The following ZBTB38 variants were observed in gnomAD, a reference collection of about 807,000 sequenced individuals.
ZBTB38 encodes the protein zinc finger and BTB domain containing 38, also known as zinc finger and BTB domain-containing protein 38.
In ZBTB38, 20 loss-of-function variants were observed where a neutral mutation model predicts 76.8. That is an observed-to-expected ratio of 0.26 (90% confidence interval 0.18 to 0.38). ZBTB38 has a LOEUF of 0.38. Among genes scored for constraint, ZBTB38 ranks in the 10% least tolerant of loss-of-function variants. The pLI is 1.00. For synonymous variants in ZBTB38, 504 were observed against 544.2 expected, an observed-to-expected ratio of 0.93 and a Z score of 1.03; for missense variants, 1,082 against 1,482.3, an observed-to-expected ratio of 0.73 and a Z score of 4.43.
At chr3:141,358,194 G>A (rs1027717436) in intron 1 of ZBTB38, among the ~76,000 whole-genome samples, 1 of 152,204 alleles carries the variant, frequency 6.6e-6, no homozygotes, top group African/African-American at 2.4e-5. Flanking sequence ...TAATTCAGAG[G>A]TGCAAGGGGC....
intron 4 of ZBTB38, among the ~76,000 whole-genome samples, chr3:141,403,456 A>G (rs928038464): frequency 1.3e-5 from 2 of 152,260 alleles, no homozygotes; most frequent in South Asian, 2.1e-4. Context: ...TCTTAAAGAT[A>G]TAGAATATAT....
rs1559966549 is a variant in ZBTB38 at position 141,444,041 on chromosome 3, A to G, written c.1653A>G (p.Thr551=). 1 of 1,614,224 alleles carries G rather than the reference A, an allele frequency of 6.2e-7. No homozygotes were observed. Residue 551 remains threonine (T), a synonymous_variant, in exon 6 of 6, where the codon ACA becomes ACG. Transcript: ENST00000321464. The surrounding 1 kb of genome is among the most constrained non-coding windows in gnomAD (Gnocchi z 5.1). ...IDHRLSISKK[T]ANGGLKPSVY... ...ATAGACTTTCCATCAGTAAAAAAAC[A>G]GCAAATGGAGGCTTGAAGCCTAGTG...
chr3:141,339,333 T>G lies in ZBTB38; in HGVS notation c.-739+14877T>G, dbSNP rs556711548. 9.5e-4 allele frequency among the ~76,000 whole-genome samples: 145 copies of G among 152,314 alleles called. 1 individual carries two copies. Among genetic ancestry groups the G allele is most frequent in the African/African-American group, 3.3e-3 (137 of 41,574 alleles). On this transcript the variant is annotated intron_variant, in intron 1 of 7. Coordinates refer to the ZBTB38 transcript ENST00000509842. The stretch of plus-strand genomic sequence containing the variant: ...CAACTCCACGGGTTGATTCTGAATG[T>G]GATAGGAAGCCTTTGGAGCATTTTG...
intron 5 of ZBTB38, among the ~76,000 whole-genome samples, chr3:141,415,503 G>A (rs2073794435): frequency 6.6e-6 from 1 of 152,078 alleles, no homozygotes. Context: ...ACAGAGCCTC[G>A]AGCCCTACCC....
At chr3:141,407,949 G>A (rs1416907463) in intron 5 of ZBTB38, among the ~76,000 whole-genome samples, 1 of 152,194 alleles carries the variant, frequency 6.6e-6, no homozygotes, top group African/African-American at 2.4e-5. Context: ...TCATCTCATT[G>A]CTCTCTGCTG....
Position 141,443,237 on chromosome 3 carries a change from A to G in ZBTB38, c.849A>G (p.Pro283=), listed in dbSNP as rs998162719. Residue 283 remains proline, a synonymous_variant, in exon 6 of 6, where the codon CCA becomes CCG. Transcript: ENST00000321464. This position sits in a 1 kb window ranked among gnomAD's most constrained non-coding sequence, Gnocchi z 5.6. Reference sequence around the variant, plus strand: ...CGGATTCAGCCACAGAAAATATACCACCCCCTCCAGTATCCAACTTAGAGG... The same window carrying G: ...CGGATTCAGCCACAGAAAATATACCGCCCCCTCCAGTATCCAACTTAGAGG... ...QDSDSATENI[P]PPPVSNLEVN... is the part of the protein sequence containing the mutation. The G allele has an allele frequency of 1.2e-6, 2 of 1,613,750 alleles. No homozygotes were observed. Among genetic ancestry groups the G allele is most frequent in the Admixed American group, 3.3e-5 (2 of 59,974 alleles).
intron 5 of ZBTB38, among the ~76,000 whole-genome samples, chr3:141,419,383 A>C (rs1653337441): frequency 6.6e-6 from 1 of 152,212 alleles, no homozygotes; most frequent in African/African-American, 2.4e-5. Flanking sequence ...AGATACATGT[A>C]TGACACTGAA....
chr3:141,344,943 T>G (rs932043054), intron 1 of ZBTB38, among the ~76,000 whole-genome samples: 1 of 152,208 alleles, frequency 6.6e-6, no homozygotes, highest in Non-Finnish European at 1.5e-5. Context: ...ATTCTGTCTA[T>G]CACAGCTGCT....
intron 1 of ZBTB38, among the ~76,000 whole-genome samples, chr3:141,352,956 G>A (rs1943563520): frequency 6.6e-6 from 1 of 152,064 alleles, no homozygotes; most frequent in Non-Finnish European, 1.5e-5. Flanking sequence ...AGTCTTAGTA[G>A]TACTAGTTTG....
At chr3:141,400,822 GC>G (rs1233378168) in intron 4 of ZBTB38, among the ~76,000 whole-genome samples, 1 of 152,202 alleles carries the variant, frequency 6.6e-6, no homozygotes, top group Non-Finnish European at 1.5e-5. Flanking sequence ...GATGAAGAAG[GC>G]ACGGGAGTTG....
intron 1 of ZBTB38, among the ~76,000 whole-genome samples, chr3:141,327,909 T>C (rs1401419529): frequency 2.6e-5 from 4 of 152,198 alleles, no homozygotes; most frequent in Admixed American, 2.6e-4. Flanking sequence ...ACTGAGACTC[T>C]GTGTCTTCCA....
intron 1 of ZBTB38, among the ~76,000 whole-genome samples, chr3:141,352,034 G>T (rs973589409): frequency 6.6e-6 from 1 of 152,010 alleles, no homozygotes; most frequent in African/African-American, 2.4e-5. Context: ...GACCTACCAA[G>T]AATTCATTTA....
chr3:141,381,736 A>G (rs1387911520), intron 3 of ZBTB38, among the ~76,000 whole-genome samples: 2 of 152,198 alleles, frequency 1.3e-5, no homozygotes, highest in African/African-American at 4.8e-5. Context: ...ATTACTGCAA[A>G]TGAAGCAGGA....
intron 1 of ZBTB38, among the ~76,000 whole-genome samples, chr3:141,355,297 C>G (rs752282112): frequency 1.6e-4 from 25 of 152,122 alleles, no homozygotes; most frequent in Non-Finnish European, 3.4e-4. Context: ...AAGGTCCTTA[C>G]TCTCCAAGGT....
intron 5 of ZBTB38, among the ~76,000 whole-genome samples, chr3:141,424,363 T>C (rs79057647): frequency 0.024 from 3,561 of 151,088 alleles, 66 homozygotes; most frequent in East Asian, 0.058. Flanking sequence ...TACAAAGAAA[T>C]AAAAAAAATT....
At chr3:141,411,178 G>A (rs1381490278) in intron 5 of ZBTB38, among the ~76,000 whole-genome samples, 2 of 152,190 alleles carry the variant, frequency 1.3e-5, no homozygotes, top group Non-Finnish European at 2.9e-5. Flanking sequence ...TATCTTGCCA[G>A]GCAAGGGAGA....
At chr3:141,378,321 T>A (rs1945685308) in intron 2 of ZBTB38, among the ~76,000 whole-genome samples, 1 of 152,158 alleles carries the variant, frequency 6.6e-6, no homozygotes, top group South Asian at 2.1e-4. Context: ...CACTCCAGCC[T>A]GCACATGTGA....
Position 141,436,383 on chromosome 3 carries a change from C to A in ZBTB38, c.1-6006C>A, listed in dbSNP as rs1445424768. ...TGAGAGAAGCTGCCTGGTGATAAATCCTTGGGCAGGCAGTGTGTGTGTGTT... is the reference window on the plus strand; with the variant it reads ...TGAGAGAAGCTGCCTGGTGATAAATACTTGGGCAGGCAGTGTGTGTGTGTT... On this transcript the variant is annotated intron_variant, in intron 5 of 5. Coordinates refer to ENST00000321464, the MANE Select transcript of ZBTB38 (RefSeq NM_001376113.1). 3.3e-5 allele frequency among the ~76,000 whole-genome samples: 5 copies of A among 152,258 alleles called. No homozygotes were observed. In the East Asian group the frequency reaches 9.6e-4, roughly 29 times the overall value.
chr3:141,352,180 G>A (rs1287378962), intron 1 of ZBTB38, among the ~76,000 whole-genome samples: 1 of 152,102 alleles, frequency 6.6e-6, no homozygotes, highest in Non-Finnish European at 1.5e-5. Context: ...TATATCAAGT[G>A]ATAAAGAAAA....
Sources: gnomAD v4.1 joint callset for allele counts (sites outside exome capture counted in the v4.1 genomes callset) on GRCh38, gnomAD v4.1.1 for gene constraint, Gnocchi (gnomAD v3.1) non-coding constraint, MANE v1.5 for transcripts, NCBI Gene and HGNC (gene_info 2026-07-23, HGNC 2026-07-21) for gene names.